DSCC1: variants seen among roughly 807,000 people sequenced by gnomAD.
DSCC1 encodes sister chromatid cohesion protein DCC1.
A neutral mutation model predicts 48.2 loss-of-function variants in DSCC1; 32 were observed. The ratio of observed to expected loss-of-function variants is 0.66; its 90% CI spans 0.50 to 0.89. DSCC1 has a LOEUF of 0.89. Ranked by LOEUF, DSCC1 falls within the 40% of genes least tolerant of loss-of-function variation. The pLI is 0.00. For synonymous variants in DSCC1, 150 were observed against 171.5 expected, an observed-to-expected ratio of 0.87 and a Z score of 0.98; for missense variants, 421 against 471.7, an observed-to-expected ratio of 0.89 and a Z score of 1.00.
chr8:119,850,315 TGTGACTATTAA>T, intron 3 of DSCC1, 56 bp downstream of exon 3: 1 of 1,440,674 alleles, frequency 6.9e-7, no homozygotes, highest in East Asian at 2.5e-5. Context: ...AAAGTAAGAA[TGTGACTATTAA>T]GTGCCTCTGA....
chr8:119,841,911 A>G lies in DSCC1; in HGVS notation c.807T>C (p.Cys269=), dbSNP rs965932843. The G allele has an allele frequency of 6.2e-7, 1 of 1,614,138 alleles. No homozygotes were observed. The highest frequency in any genetic ancestry group is 8.5e-7 in the Non-Finnish European group (1 of 1,180,024). The change falls in exon 7 of 9, where the codon TGT becomes TGC. Residue 269 remains cysteine, a synonymous_variant. Transcript: ENST00000313655. ...GAAGTAGCATTCGTGCTGCTGCTCT[A>G]CATATTTTATCAGCATCCAACTCAA... ...VYFELDADKI[C]RAAARMLLQN...
rs1192982524 is a variant in DSCC1 at position 119,841,811 on chromosome 8, T to C, written c.907A>G (p.Ser303Gly). The change falls in exon 7 of 9, where the codon AGT becomes GGT. Residue 303 changes from serine (S) to glycine (G), a missense_variant. Coordinates refer to ENST00000313655, the MANE Select transcript of DSCC1 (RefSeq NM_024094.3). The stretch of plus-strand genomic sequence containing the variant: ...GCTATTACCTTAAGCTGATCAAGAC[T>C]AGTTACCATTCCTTCAGGAACACTC... ...QQSVPEGMVT[S>G]LDQLKGLALV... 5 of 1,613,996 alleles carry C rather than the reference T, an allele frequency of 3.1e-6. No individual in the cohort carries two copies. The Admixed American group carries it at 5.0e-5, about 16-fold the overall frequency.
At chr8:119,844,664 T>C (rs1826825421) in intron 4 of DSCC1, among the ~76,000 whole-genome samples, 1 of 151,890 alleles carries the variant, frequency 6.6e-6, no homozygotes, top group Admixed American at 6.6e-5. Flanking sequence ...TCCTCCTGCC[T>C]CAGCCTCCAG....
intron 3 of DSCC1, among the ~76,000 whole-genome samples, chr8:119,849,045 C>T (rs1462738043): frequency 2.0e-5 from 3 of 152,020 alleles, no homozygotes; most frequent in South Asian, 4.2e-4. Context: ...ATTAGCTGGG[C>T]GCGGTGGCGG....
At chr8:119,853,610 T>C (rs1374390321) in intron 1 of DSCC1, among the ~76,000 whole-genome samples, 1 of 152,230 alleles carries the variant, frequency 6.6e-6, no homozygotes, top group Non-Finnish European at 1.5e-5. Flanking sequence ...ATAGGCATCT[T>C]AGAGAGTGTT....
intron 7 of DSCC1, 141 bp downstream of exon 7, chr8:119,841,653 A>ATGT (rs1826771473): frequency 4.3e-6 from 3 of 703,396 alleles, no homozygotes; most frequent in Admixed American, 3.0e-5. Context: ...TTTAAGGACT[A>ATGT]TGTGATGGAT....
At chr8:119,837,575 C>T (rs1166070381) in intron 8 of DSCC1, among the ~76,000 whole-genome samples, 7 of 152,232 alleles carry the variant, frequency 4.6e-5, no homozygotes, top group African/African-American at 1.4e-4. Flanking sequence ...CCACTAGGTT[C>T]TTAAGCAAGA....
chr8:119,839,280 TC>T (rs1394960091), intron 7 of DSCC1: 1 of 152,210 alleles, frequency 6.6e-6, no homozygotes, highest in East Asian at 1.9e-4. Context: ...CTCTCTTGAG[TC>T]CCAGACCTCT....
chr8:119,844,096 C>T (rs928864039), intron 4 of DSCC1, among the ~76,000 whole-genome samples: 5 of 151,398 alleles, frequency 3.3e-5, no homozygotes, highest in Non-Finnish European at 7.4e-5. Flanking sequence ...TTTATGTAAA[C>T]TAGCTAATAG....
chr8:119,851,049 A>G (rs1826936685), intron 2 of DSCC1, among the ~76,000 whole-genome samples: 1 of 152,172 alleles, frequency 6.6e-6, no homozygotes, highest in Admixed American at 6.5e-5. Flanking sequence ...CCACTGTTCG[A>G]TTTGTGAAAT....
intron 2 of DSCC1, among the ~76,000 whole-genome samples, chr8:119,850,920 A>G (rs1826934928): frequency 6.6e-6 from 1 of 152,230 alleles, no homozygotes; most frequent in South Asian, 2.1e-4. Context: ...ATAGTCTTCA[A>G]ATAGGGACAT....
chr8:119,848,698 A>G (rs187329808), intron 3 of DSCC1, among the ~76,000 whole-genome samples: 2 of 152,354 alleles, frequency 1.3e-5, no homozygotes, highest in East Asian at 3.9e-4. Flanking sequence ...CTTAATATCC[A>G]AAAAGTAGAA....
At chr8:119,842,033 CTTGA>C in intron 6 of DSCC1, 85 bp from the exon 7 acceptor site, 1 of 1,451,696 alleles carries the variant, frequency 6.9e-7, no homozygotes, top group African/African-American at 1.4e-5. Flanking sequence ...GCTGCAGTTT[CTTGA>C]AAGGAATTAT....
At chr8:119,845,905 C>T (rs1452316061) in intron 4 of DSCC1, among the ~76,000 whole-genome samples, 10 of 151,954 alleles carry the variant, frequency 6.6e-5, no homozygotes, top group African/African-American at 1.9e-4. Flanking sequence ...GCCGAGATCA[C>T]GCCACTGTAC....
At chr8:119,851,722 C>T (rs377565764) in intron 2 of DSCC1, among the ~76,000 whole-genome samples, 25 of 152,142 alleles carry the variant, frequency 1.6e-4, no homozygotes, top group African/African-American at 5.8e-4. Context: ...CACTCCGTTA[C>T]TCCTGGGTAT....
intron 1 of DSCC1, among the ~76,000 whole-genome samples, chr8:119,853,578 G>A (rs1289116701): frequency 6.6e-6 from 1 of 152,272 alleles, no homozygotes; most frequent in Non-Finnish European, 1.5e-5. Flanking sequence ...ACATGCTAAA[G>A]TGGTACTTCT....
intron 3 of DSCC1, among the ~76,000 whole-genome samples, chr8:119,847,984 G>A (rs1960440): frequency 6.9e-5 from 1 of 14,390 alleles, no homozygotes; most frequent in Non-Finnish European, 1.3e-4. Flanking sequence ...TTTTGTTTTT[G>A]TTTTTTTTAA....
rs190032391 is a variant in DSCC1 at position 119,836,427 on chromosome 8, G to T, written c.1074-1426C>A. ...TAAACAGTATAAGAAGGAGAAAGGA[G>T]AAGGGGGCAAAAATAGAACAGGGAG... On this transcript the variant is annotated intron_variant, in intron 8 of 8. Transcript: ENST00000313655. Among the ~76,000 whole-genome samples the T allele has an allele frequency of 2.6e-4, 39 of 152,312 alleles. No individual in the cohort carries two copies. In the East Asian group the frequency reaches 6.6e-3, roughly 26 times the overall value.
chr8:119,855,724 C>A lies in DSCC1; in HGVS notation c.72G>T (p.Pro24=). Residue 24 remains proline (P), a synonymous_variant, in exon 1 of 9, where the codon CCG becomes CCT. Coordinates refer to ENST00000313655, the MANE Select transcript of DSCC1 (RefSeq NM_024094.3). ...GGCCGAAGCCCAGGCAGTGCACCGC[C>A]GGCAGCAGCTCGGCCGCATTCAGCT... ...IAKLNAAELL[P]AVHCLGFGPG... is the part of the protein sequence containing the mutation. The A allele has an allele frequency of 6.4e-7, 1 of 1,572,196 alleles. No individual in the cohort carries two copies. Among genetic ancestry groups the A allele is most frequent in the East Asian group, 2.4e-5 (1 of 41,686 alleles).
Sources: gnomAD v4.1 joint callset for allele counts (sites outside exome capture counted in the v4.1 genomes callset) on GRCh38, gnomAD v4.1.1 for gene constraint, MANE v1.5 for transcripts, NCBI Gene and HGNC (gene_info 2026-07-23, HGNC 2026-07-21) for gene names.